DCC: variants seen among roughly 807,000 people sequenced by gnomAD.
The protein encoded by DCC is netrin receptor DCC.
DCC carries 58 observed loss-of-function variants against 172.5 expected under a neutral mutation model. The observed-to-expected ratio is 0.34, with a 90% CI of 0.27 to 0.42. The LOEUF is 0.42. Among genes scored for constraint, DCC ranks in the 10% least tolerant of loss-of-function variants. DCC has a pLI of 1.00. For synonymous variants in DCC, 709 were observed against 644.5 expected (o/e 1.10, Z -1.52); for missense variants, 1,740 against 1,791.0 (o/e 0.97, Z 0.51).
intron 1 of DCC, among the ~76,000 whole-genome samples, chr18:52,464,745 T>G (rs988950232): frequency 6.6e-6 from 1 of 151,910 alleles, no homozygotes; most frequent in Admixed American, 6.6e-5. Flanking sequence ...ACTACCTGTT[T>G]TGTTTTGTTG....
chr18:52,868,049 ATATATG>A (rs781300527), intron 2 of DCC, among the ~76,000 whole-genome samples: 7,236 of 106,262 alleles, frequency 0.068, 196 homozygotes, highest in Middle Eastern at 0.098. Flanking sequence ...ATATATATAT[ATATATG>A]TGTGTGTGTG....
At chr18:53,055,000 A>G (rs556973837) in intron 5 of DCC, among the ~76,000 whole-genome samples, 24 of 152,214 alleles carry the variant, frequency 1.6e-4, no homozygotes, top group Admixed American at 7.9e-4. Flanking sequence ...TATATCTTAA[A>G]TGTTGTTCCC....
intron 1 of DCC, among the ~76,000 whole-genome samples, chr18:52,602,592 A>C (rs1192389555): frequency 6.6e-6 from 1 of 152,132 alleles, no homozygotes; most frequent in Non-Finnish European, 1.5e-5. Context: ...TTTCTTTAGT[A>C]ATATGCCTTT....
At chr18:53,440,544 A>G (rs1912211929) in intron 22 of DCC, among the ~76,000 whole-genome samples, 1 of 152,118 alleles carries the variant, frequency 6.6e-6, no homozygotes, top group South Asian at 2.1e-4. Flanking sequence ...CAATGTAAAT[A>G]AAGTATACAT....
intron 2 of DCC, among the ~76,000 whole-genome samples, chr18:52,799,181 G>A (rs76210227): frequency 0.084 from 12,719 of 152,200 alleles, 617 homozygotes; most frequent in South Asian, 0.18. Flanking sequence ...CATCTAATCC[G>A]TGGCTACTTG....
At chr18:52,357,391 G>T (rs1314328473) in intron 1 of DCC, among the ~76,000 whole-genome samples, 1 of 152,090 alleles carries the variant, frequency 6.6e-6, no homozygotes, top group Non-Finnish European at 1.5e-5. Flanking sequence ...GAACCTAACT[G>T]AAAGCACTCT....
At chr18:53,269,348 G>A (rs1193771594) in intron 12 of DCC, among the ~76,000 whole-genome samples, 1 of 152,120 alleles carries the variant, frequency 6.6e-6, no homozygotes, top group Admixed American at 6.5e-5. Context: ...TCATCCTGGT[G>A]TTCTTAGTTT....
intron 12 of DCC, among the ~76,000 whole-genome samples, chr18:53,292,788 T>C (rs2057021820): frequency 6.6e-6 from 1 of 152,242 alleles, no homozygotes; most frequent in African/African-American, 2.4e-5. Flanking sequence ...AGATTTGTAA[T>C]CTAATTGTTG....
rs1453991278 is a variant in DCC at position 53,035,935 on chromosome 18, T to A, written c.986-27370T>A. Reference sequence around the variant, plus strand: ...TTTAGTATTTCACTATTACAAATAATACTTCAGTGAATATCCATGCTCATT... The same window carrying A: ...TTTAGTATTTCACTATTACAAATAAAACTTCAGTGAATATCCATGCTCATT... On this transcript the variant is annotated intron_variant, in intron 5 of 28. Coordinates refer to ENST00000442544, the MANE Select transcript of DCC (RefSeq NM_005215.4). 1.1e-4 allele frequency among the ~76,000 whole-genome samples: 17 copies of A among 152,180 alleles called. No individual in the cohort carries two copies. In the East Asian group the frequency reaches 3.3e-3, roughly 29 times the overall value.
chr18:52,889,734 T>C (rs1415274637), intron 2 of DCC, among the ~76,000 whole-genome samples: 1 of 152,164 alleles, frequency 6.6e-6, no homozygotes, highest in Non-Finnish European at 1.5e-5. Flanking sequence ...TTTTAAATTC[T>C]GAATTACCAT....
intron 1 of DCC, among the ~76,000 whole-genome samples, chr18:52,561,234 T>A (rs1213681862): frequency 6.6e-6 from 1 of 152,032 alleles, no homozygotes; most frequent in African/African-American, 2.4e-5. Context: ...TCTATTCATA[T>A]TTTAGAAACA....
chr18:52,438,041 A>T (rs540130315), intron 1 of DCC, among the ~76,000 whole-genome samples: 1 of 152,330 alleles, frequency 6.6e-6, no homozygotes, highest in East Asian at 1.9e-4. Flanking sequence ...TTCAGGTAGA[A>T]CAGCAATACA....
intron 27 of DCC, among the ~76,000 whole-genome samples, chr18:53,521,059 C>T (rs1057283892): frequency 5.9e-4 from 90 of 152,130 alleles, no homozygotes; most frequent in African/African-American, 1.1e-3. Context: ...GAAGGTCATT[C>T]GATGAGCTCC....
intron 23 of DCC, among the ~76,000 whole-genome samples, chr18:53,458,445 A>C (rs1053084583): frequency 6.6e-6 from 1 of 152,134 alleles, no homozygotes; most frequent in Admixed American, 6.5e-5. Flanking sequence ...TAGTTTACTG[A>C]CCCCCTGCTG....
At chr18:52,767,426 C>A (rs75744077) in intron 2 of DCC, among the ~76,000 whole-genome samples, 189 of 152,174 alleles carry the variant, frequency 1.2e-3, no homozygotes, top group African/African-American at 2.6e-3. Context: ...CTCCAGGCAG[C>A]CTTTAACATA....
intron 1 of DCC, among the ~76,000 whole-genome samples, chr18:52,492,399 A>G (rs2030547190): frequency 6.6e-6 from 1 of 151,956 alleles, no homozygotes; most frequent in African/African-American, 2.4e-5. Context: ...TGGAGAGATA[A>G]GATCACTAAA....
At chr18:52,442,734 G>A (rs1189256839) in intron 1 of DCC, among the ~76,000 whole-genome samples, 1 of 152,182 alleles carries the variant, frequency 6.6e-6, no homozygotes, top group Non-Finnish European at 1.5e-5. Context: ...TAAGGCTGCA[G>A]AACTTACTAA....
intron 11 of DCC, among the ~76,000 whole-genome samples, chr18:53,213,386 A>G (rs1040189102): frequency 9.2e-5 from 14 of 152,020 alleles, no homozygotes; most frequent in African/African-American, 3.4e-4. Context: ...GTAGTGGCTC[A>G]CTCCTGTAAT....
chr18:52,896,153 C>T (rs2039726662), intron 2 of DCC, among the ~76,000 whole-genome samples: 1 of 152,158 alleles, frequency 6.6e-6, no homozygotes, highest in African/African-American at 2.4e-5. Context: ...CACACTTTCA[C>T]AGTATTGTTA....
Sources: allele counts gnomAD v4.1 joint callset (sites outside exome capture counted in the v4.1 genomes callset), GRCh38; gene constraint gnomAD v4.1.1; transcripts MANE v1.5; gene names NCBI Gene and HGNC (gene_info 2026-07-23, HGNC 2026-07-21).